The following CGREF1 variants were observed in gnomAD, a reference collection of about 807,000 sequenced individuals.
CGREF1 encodes the protein cell growth regulator with EF-hand domain 1.
Under a neutral mutation model 17.4 loss-of-function variants are expected in CGREF1, and 16 were observed. The ratio of observed to expected loss-of-function variants is 0.92; its 90% CI spans 0.62 to 1.40. The LOEUF (loss-of-function observed/expected upper bound fraction) is 1.40. CGREF1 is among the 40% of genes most tolerant of loss of function. The probability of loss-of-function intolerance (pLI) is 0.00; values close to 1 mark genes in which losing one functional copy is unlikely to be tolerated. For missense variants in CGREF1, 296 were observed against 376.4 expected (o/e 0.79, Z 1.77); for synonymous variants, 142 against 154.6 (o/e 0.92, Z 0.61).
chr2:27,109,892 A>G (rs1671287998), intron 1 of CGREF1, among the ~76,000 whole-genome samples: 1 of 150,006 alleles, frequency 6.7e-6, no homozygotes, highest in Non-Finnish European at 1.5e-5. Context: ...TCTCAAAAAA[A>G]AAAAAAAAAA....
In CGREF1 at chr2:27,101,898, CAG is replaced by C; in HGVS notation, c.343-12_343-11del. 2 of 1,607,790 alleles carry C rather than the reference CAG, an allele frequency of 1.2e-6. No individual in the cohort carries two copies. Among genetic ancestry groups the C allele is most frequent in the Non-Finnish European group, 1.7e-6 (2 of 1,177,252 alleles). ...CCACTATCAAGATCACCTGTGGAAG[CAG>C]AGTCACTGTGGGGTCTCCAGGGACA... On this transcript the variant is annotated splice_polypyrimidine_tract_variant and intron_variant, in intron 5 of 5. Transcript: ENST00000402394.
chr2:27,102,807 G>T, intron 2 of CGREF1: 1 of 604,302 alleles, frequency 1.7e-6, no homozygotes, highest in Non-Finnish European at 2.1e-6. Context: ...GGCTACCTTA[G>T]ACTTTAAATG....
intron 1 of CGREF1, among the ~76,000 whole-genome samples, chr2:27,113,523 A>T (rs1671464477): frequency 6.6e-6 from 1 of 152,222 alleles, no homozygotes; most frequent in African/African-American, 2.4e-5. Flanking sequence ...GTAGGAAAAG[A>T]TACAAATGTT....
At chr2:27,116,574 ATT>A (rs113576578) in intron 1 of CGREF1, among the ~76,000 whole-genome samples, 6 of 145,600 alleles carry the variant, frequency 4.1e-5, no homozygotes, top group African/African-American at 1.3e-4. Context: ...TTTCAGTATA[ATT>A]TTTTTTTTTT....
chr2:27,101,333 TAG>T lies in CGREF1; in HGVS notation c.896_897del (p.Ser299Ter). ...AKELPGETLE[S>X]KNTQNDFEVH... is the part of the protein sequence containing the mutation. ...ACCTCAAAGTCATTTTGGGTGTTCT[TAG>T]ACTCCAGTGTTTCCCCTGGAAGTTC... is the stretch of plus-strand genomic sequence containing the variant. On this transcript the variant is annotated frameshift_variant, in exon 6 of 6. Transcript: ENST00000402394. LOFTEE classifies it low-confidence loss of function (END_TRUNC). 1 of 1,605,802 alleles carries T rather than the reference TAG, an allele frequency of 6.2e-7. No individual in the cohort carries two copies. Among genetic ancestry groups the T allele is most frequent in the Non-Finnish European group, 8.5e-7 (1 of 1,175,332 alleles).
At chr2:27,099,910 C>G (rs952853727), downstream of CGREF1, 3 of 1,503,688 alleles carry the variant, frequency 2.0e-6, no homozygotes, top group Non-Finnish European at 1.8e-6. Flanking sequence ...CAGGGAGAGG[C>G]TCTGGGGGGA....
At chr2:27,099,424 G>T (rs764754040), downstream of CGREF1, 1 of 1,613,914 alleles carries the variant, frequency 6.2e-7, no homozygotes, top group South Asian at 1.1e-5. Flanking sequence ...TTGCAGGGCT[G>T]TGCTTGTCTG....
rs772630284 is a variant in CGREF1 at position 27,102,213 on chromosome 2, AGAG to A, written c.223_225del (p.Leu75del). The A allele has an allele frequency of 2.5e-5, 41 of 1,611,888 alleles. No homozygotes were observed. In the South Asian group the frequency reaches 3.7e-4, roughly 15 times the overall value. On this transcript the variant is annotated inframe_deletion, in exon 5 of 6. Transcript: ENST00000402394. ...TCATAGTCATGGAGGGCAAAGAGGT[AGAG>A]GAGAACTAAAGAGAAGAGAAGCTGG...
At chr2:27,118,767 C>A (rs1671686017) in intron 1 of CGREF1, 79 bp downstream of exon 1, 1 of 152,280 alleles carries the variant, frequency 6.6e-6, no homozygotes, top group African/African-American at 2.4e-5. Flanking sequence ...AGGCTGGAGG[C>A]CACCTACCCC....
chr2:27,104,886 G>A (rs1222674536), intron 1 of CGREF1: 26 of 1,250,154 alleles, frequency 2.1e-5, no homozygotes, highest in Admixed American at 3.1e-5. Flanking sequence ...CAAAAGAGGC[G>A]CAGACTTCTT....
At chr2:27,118,469 G>A (rs972731498) in intron 1 of CGREF1, among the ~76,000 whole-genome samples, 5 of 152,264 alleles carry the variant, frequency 3.3e-5, no homozygotes, top group African/African-American at 9.6e-5. Flanking sequence ...ACCTGCAAGC[G>A]GACGACAGCC....
chr2:27,103,919 C>T (rs892459561), intron 2 of CGREF1, among the ~76,000 whole-genome samples: 3 of 152,118 alleles, frequency 2.0e-5, no homozygotes, highest in Admixed American at 2.0e-4. Flanking sequence ...GGAGGCGGAG[C>T]TCGCAGTGAG....
chr2:27,102,807 G>A (rs912312644), intron 2 of CGREF1: 61 of 604,188 alleles, frequency 1.0e-4, no homozygotes, highest in Non-Finnish European at 1.2e-4. Context: ...GGCTACCTTA[G>A]ACTTTAAATG....
chr2:27,108,260 TAAATA>T (rs1195954899), intron 1 of CGREF1, among the ~76,000 whole-genome samples: 6 of 151,762 alleles, frequency 4.0e-5, no homozygotes, highest in African/African-American at 7.3e-5. Context: ...CTTAAAAAAA[TAAATA>T]AAATAAAAAA....
At position 27,101,626 on chromosome 2, in the gene CGREF1, A is replaced by T. The variant is rs371385832; in HGVS notation, c.605T>A (p.Leu202Ter). The T allele has an allele frequency of 8.4e-5, 135 of 1,613,868 alleles. No individual in the cohort carries two copies. The highest frequency in any genetic ancestry group is 1.1e-4 in the Non-Finnish European group (130 of 1,179,986). ...GCCCCCAGGCTCCTGGACAGGATCCAAAGACTCCCTTCTGGCCTCTACCTG... is the reference window on the plus strand; with the variant it reads ...GCCCCCAGGCTCCTGGACAGGATCCTAAGACTCCCTTCTGGCCTCTACCTG... ...KGQVEARRES[L>*]DPVQEPGGQA... Residue 202 changes from leucine (L) to a stop codon, truncating the protein, a stop_gained, in exon 6 of 6, where the codon TTG (leucine) becomes TAG (stop). Coordinates refer to ENST00000402394, the MANE Select transcript of CGREF1 (RefSeq NM_006569.6). LOFTEE classifies it low-confidence loss of function (END_TRUNC).
At position 27,101,350 on chromosome 2, in the gene CGREF1, C is replaced by G. The variant is rs934175813; in HGVS notation, c.881G>C (p.Gly294Ala). The G allele has an allele frequency of 5.6e-6, 9 of 1,611,810 alleles. No homozygotes were observed. In the Admixed American group the frequency reaches 1.3e-4, roughly 24 times the overall value. Residue 294 changes from glycine to alanine, a missense_variant, in exon 6 of 6, where the codon GGG (glycine) becomes GCG (alanine). Coordinates refer to ENST00000402394, the MANE Select transcript of CGREF1 (RefSeq NM_006569.6). ...GGTGTTCTTAGACTCCAGTGTTTCCCCTGGAAGTTCCTTGGCCTCCTCTCC... is the reference window on the plus strand; with the variant it reads ...GGTGTTCTTAGACTCCAGTGTTTCCGCTGGAAGTTCCTTGGCCTCCTCTCC... Reference protein sequence around the residue: ...ENGEEAKELPGETLESKNTQN... With the variant: ...ENGEEAKELPAETLESKNTQN...
At position 27,101,151 on chromosome 2, in the gene CGREF1, A is replaced by C; in HGVS notation, c.*123T>G. 1.4e-6 allele frequency: 2 copies of C among 1,472,930 alleles called. No individual in the cohort carries two copies. The highest frequency in any genetic ancestry group is 2.5e-5 in the Admixed American group (1 of 39,586). The allele number at this position is 1,472,930 out of a possible 1,614,324, so 91.2% of individuals were successfully genotyped here. The stretch of plus-strand genomic sequence containing the variant: ...TCCCTGAGCTGCACAGAAAGACCTG[A>C]TACCTACTGGGACCAGGCAGGGGGC... On this transcript the variant is annotated 3_prime_UTR_variant, in exon 6 of 6. Transcript: ENST00000402394.
chr2:27,115,856 T>C (rs1265876151), intron 1 of CGREF1, among the ~76,000 whole-genome samples: 1 of 152,198 alleles, frequency 6.6e-6, no homozygotes, highest in African/African-American at 2.4e-5. Flanking sequence ...TGTTCCATCC[T>C]CAATCTGGAA....
downstream of CGREF1, chr2:27,099,492 G>T (rs144520325): frequency 1.2e-6 from 2 of 1,614,014 alleles, no homozygotes; most frequent in African/African-American, 1.3e-5. Context: ...TGCTCCACTC[G>T]GATGCTTTCC....
Sources: allele counts gnomAD v4.1 joint callset (sites outside exome capture counted in the v4.1 genomes callset), GRCh38; gene constraint gnomAD v4.1.1; transcripts MANE v1.5; gene names NCBI Gene and HGNC (gene_info 2026-07-23, HGNC 2026-07-21).